Variants in GRIN2D observed in about 807,000 individuals in gnomAD.
GRIN2D encodes glutamate ionotropic receptor NMDA type subunit 2D.
In GRIN2D, 37 loss-of-function variants were observed where a neutral mutation model predicts 103.2. That is an observed-to-expected ratio of 0.36 (90% confidence interval 0.28 to 0.47). The LOEUF (loss-of-function observed/expected upper bound fraction) is 0.47, where lower values mean the gene tolerates loss of function less well. Among genes scored for constraint, GRIN2D ranks in the 20% least tolerant of loss-of-function variants. The pLI is 1.00. For synonymous variants in GRIN2D, 845 were observed against 885.6 expected, an observed-to-expected ratio of 0.95 and a Z score of 0.81; for missense variants, 1,557 against 1,910.6, an observed-to-expected ratio of 0.81 and a Z score of 3.45.
rs1404528769 is a variant in GRIN2D at position 48,405,762 on chromosome 19, C to A, written c.1085+409C>A. 3.3e-5 allele frequency among the ~76,000 whole-genome samples: 5 copies of A among 152,178 alleles called. No individual in the cohort carries two copies. Among genetic ancestry groups the A allele is most frequent in the African/African-American group, 1.2e-4 (5 of 41,444 alleles). ...AGCTTCAGTAGCAAAAAAGACCCAA[C>A]AATCCAGTGGCCCAGATGAGGTCGA... On this transcript the variant is annotated intron_variant, in intron 4 of 13. Coordinates refer to ENST00000263269, the MANE Select transcript of GRIN2D (RefSeq NM_000836.4). This position sits in a 1 kb window ranked among gnomAD's most constrained non-coding sequence, Gnocchi z 5.1.
Position 48,398,376 on chromosome 19 carries a change from G to C in GRIN2D, c.-17G>C, listed in dbSNP as rs1237418652. 8.9e-7 allele frequency: 1 copy of C among 1,119,350 alleles called. No individual in the cohort carries two copies. Among genetic ancestry groups the C allele is most frequent in the East Asian group, 4.6e-5 (1 of 21,792 alleles). 69.3% of individuals were successfully genotyped at this position (1,119,350 alleles called of 1,614,324 possible). ...CGGCCCGGGCGCTCAGAGGCCGCCC[G>C]GCGGGGCCCGCAGGCGATGCGCGGC... On this transcript the variant is annotated 5_prime_UTR_variant, in exon 3 of 14. Transcript: ENST00000263269.
At chr19:48,437,915 C>G (rs1971249874) in intron 11 of GRIN2D, among the ~76,000 whole-genome samples, 1 of 152,146 alleles carries the variant, frequency 6.6e-6, no homozygotes, top group South Asian at 2.1e-4. Context: ...AAAATTAATT[C>G]AAACCCCATT....
intron 2 of GRIN2D, among the ~76,000 whole-genome samples, chr19:48,397,172 G>C (rs996029573): frequency 6.6e-6 from 1 of 151,692 alleles, no homozygotes; most frequent in South Asian, 2.1e-4. Context: ...CTTGCTTTGA[G>C]AATGAGGGGA....
rs752929902 is a variant in GRIN2D at position 48,405,159 on chromosome 19, C to T, written c.891C>T (p.Gly297=). ...GTGAGCCCCCTCTTCTGCCAGGAGG[C>T]GCCCCCCTGCCTGCCGGGCTGTTTG... ...APGEPPLLPG[G]APLPAGLFAV... is the part of the protein sequence containing the mutation. The change falls in exon 4 of 14, where the codon GGC becomes GGT. Residue 297 remains glycine, a synonymous_variant. Coordinates refer to ENST00000263269, the MANE Select transcript of GRIN2D (RefSeq NM_000836.4). The surrounding 1 kb of genome is among the most constrained non-coding windows in gnomAD (Gnocchi z 5.1). The T allele has an allele frequency of 1.3e-6, 2 of 1,576,796 alleles. No homozygotes were observed. Among genetic ancestry groups the T allele is most frequent in the Non-Finnish European group, 1.7e-6 (2 of 1,163,284 alleles).
At chr19:48,412,656 G>A (rs866709322) in intron 4 of GRIN2D, among the ~76,000 whole-genome samples, 7 of 151,618 alleles carry the variant, frequency 4.6e-5, no homozygotes, top group Non-Finnish European at 1.0e-4. Context: ...GGGCATGGTC[G>A]TGGGCGCCTG....
At chr19:48,416,747 T>C (rs1287113779) in intron 8 of GRIN2D, among the ~76,000 whole-genome samples, 3 of 148,862 alleles carry the variant, frequency 2.0e-5, no homozygotes, top group Non-Finnish European at 4.5e-5. Context: ...CTCTCTCTCT[T>C]TTTTTTTTTT....
rs1482710014 is a variant in GRIN2D, at chr19:48,414,864, C to A, written c.1413C>A (p.Ser471Arg). The change falls in exon 7 of 14, where the codon AGC (serine) becomes AGA (arginine). Residue 471 changes from serine to arginine, a missense_variant and splice_region_variant. By Grantham distance (110) the Ser-to-Arg change is moderately radical (BLOSUM62 -1). Around this residue, in one of 7 missense-constraint regions of GRIN2D, gnomAD observed 197 missense variants for 334.1 expected, o/e 0.59. Transcript: ENST00000263269. This position sits in a 1 kb window ranked among gnomAD's most constrained non-coding sequence, Gnocchi z 4.6. ...CCCCAAGCCTGGTCACTGCCCGCAGCCCTCCACCGGATGCCCCCCGCCCGG... is the reference window on the plus strand; with the variant it reads ...CCCCAAGCCTGGTCACTGCCCGCAGACCTCCACCGGATGCCCCCCGCCCGG... Reference protein sequence around the residue: ...PCRSQLNRTHSPPPDAPRPEK... With the variant: ...PCRSQLNRTHRPPPDAPRPEK... The A allele has an allele frequency of 3.1e-6, 5 of 1,613,914 alleles. No individual in the cohort carries two copies. Among genetic ancestry groups the A allele is most frequent in the Non-Finnish European group, 4.2e-6 (5 of 1,180,000 alleles).
At chr19:48,428,106 G>A (rs1434672081) in intron 11 of GRIN2D, among the ~76,000 whole-genome samples, 9 of 147,312 alleles carry the variant, frequency 6.1e-5, no homozygotes, top group East Asian at 6.0e-4. Flanking sequence ...ACATGATCTC[G>A]GCTCACTGCA....
intron 11 of GRIN2D, among the ~76,000 whole-genome samples, chr19:48,422,548 T>C (rs974747406): frequency 2.7e-4 from 41 of 151,504 alleles, no homozygotes; most frequent in African/African-American, 9.7e-4. Context: ...GAGTCGGAGG[T>C]TGCAGTGAGC....
intron 3 of GRIN2D, among the ~76,000 whole-genome samples, chr19:48,401,081 CA>C (rs34313286): frequency 0.48 from 59,049 of 123,692 alleles, 12,413 homozygotes; most frequent in East Asian, 0.79. Flanking sequence ...AGACTGTTCT[CA>C]AAAAAAAAAA....
chr19:48,411,580 C>T (rs1047674458), intron 4 of GRIN2D, among the ~76,000 whole-genome samples: 3 of 151,444 alleles, frequency 2.0e-5, no homozygotes, highest in East Asian at 1.9e-4. Flanking sequence ...ACCTGGGAGG[C>T]GGAGGTTCCA....
At chr19:48,413,026 C>T (rs1970894794) in intron 4 of GRIN2D, among the ~76,000 whole-genome samples, 1 of 140,534 alleles carries the variant, frequency 7.1e-6, no homozygotes, top group South Asian at 2.3e-4. Context: ...ATCCCAGCTA[C>T]TCAGGAGGCT....
intron 2 of GRIN2D, 96 bp from the exon 3 acceptor site, chr19:48,398,271 T>C (rs1012545023): frequency 7.6e-6 from 3 of 395,378 alleles, no homozygotes; most frequent in African/African-American, 6.5e-5. Flanking sequence ...TCGCTGCATC[T>C]CCTCCTCTGT....
At chr19:48,400,822 T>C (rs1366854114) in intron 3 of GRIN2D, among the ~76,000 whole-genome samples, 1 of 152,052 alleles carries the variant, frequency 6.6e-6, no homozygotes, top group East Asian at 1.9e-4. Flanking sequence ...TCCCAGCACT[T>C]TGGGAGGCCG....
In GRIN2D at chr19:48,398,381, G is replaced by A. The variant is rs1705290000; in HGVS notation, c.-12G>A. 3 of 1,120,980 alleles carry A rather than the reference G, an allele frequency of 2.7e-6. No homozygotes were observed. In the African/African-American group the frequency reaches 5.0e-5, roughly 19 times the overall value. 69.4% of individuals were successfully genotyped at this position (1,120,980 alleles called of 1,614,324 possible). Reference sequence around the variant, plus strand: ...CGGGCGCTCAGAGGCCGCCCGGCGGGGCCCGCAGGCGATGCGCGGCGCCGG... The same window carrying A: ...CGGGCGCTCAGAGGCCGCCCGGCGGAGCCCGCAGGCGATGCGCGGCGCCGG... On this transcript the variant is annotated 5_prime_UTR_variant, in exon 3 of 14. Transcript: ENST00000263269.
chr19:48,426,112 A>G (rs908238101), intron 11 of GRIN2D, among the ~76,000 whole-genome samples: 1 of 152,076 alleles, frequency 6.6e-6, no homozygotes, highest in Non-Finnish European at 1.5e-5. Context: ...TAAATATACC[A>G]TAATTCTTTC....
chr19:48,430,169 T>C (rs560683892), intron 11 of GRIN2D, among the ~76,000 whole-genome samples: 1 of 152,294 alleles, frequency 6.6e-6, no homozygotes, highest in African/African-American at 2.4e-5. Context: ...TAAACCGTGA[T>C]TACTTTCCTC....
intron 11 of GRIN2D, among the ~76,000 whole-genome samples, chr19:48,426,224 C>CTTTCTTTCTTTTTTTTTTTTTTCTT (rs1555893889): frequency 3.3e-5 from 4 of 120,078 alleles, no homozygotes; most frequent in African/African-American, 1.4e-4. Context: ...TTCTTTCTTT[C>CTTTCTTTCTTTTTTTTTTTTTTCTT]TTTTTTTTTT....
At chr19:48,419,447 G>C in intron 9 of GRIN2D, 88 bp downstream of exon 9, 2 of 1,503,574 alleles carry the variant, frequency 1.3e-6, no homozygotes, top group Non-Finnish European at 9.0e-7. Context: ...CTGGAGGGGG[G>C]GCGGTCAAGC....
Sources: allele counts gnomAD v4.1 joint callset (sites outside exome capture counted in the v4.1 genomes callset), GRCh38; gene constraint gnomAD v4.1.1; regional missense constraint gnomAD v4.1.1; non-coding constraint Gnocchi (gnomAD v3.1); transcripts MANE v1.5; gene names NCBI Gene and HGNC (gene_info 2026-07-23, HGNC 2026-07-21).